Variants in PDZRN4 observed in about 807,000 individuals in gnomAD.
PDZRN4 encodes PDZ domain-containing RING finger protein 4.
A neutral mutation model predicts 99.0 loss-of-function variants in PDZRN4; 70 were observed. The observed-to-expected ratio is 0.71, with a 90% CI of 0.58 to 0.86. The LOEUF (loss-of-function observed/expected upper bound fraction) is 0.86. Ranked by LOEUF, PDZRN4 falls within the 40% of genes least tolerant of loss-of-function variation. The pLI is 0.00. For missense variants in PDZRN4, 1,474 were observed against 1,331.2 expected (o/e 1.11, Z -1.67); for synonymous variants, 551 against 501.6 (o/e 1.10, Z -1.32).
chr12:41,300,666 C>T (rs1418725366), intron 3 of PDZRN4, among the ~76,000 whole-genome samples: 2 of 151,952 alleles, frequency 1.3e-5, no homozygotes, highest in African/African-American at 2.4e-5. Context: ...CTCAAGTGTT[C>T]TCCCTATTAT....
At chr12:41,387,869 T>A (rs191786289) in intron 3 of PDZRN4, among the ~76,000 whole-genome samples, 8 of 152,284 alleles carry the variant, frequency 5.3e-5, no homozygotes, top group Admixed American at 5.2e-4. Flanking sequence ...GACAGTGTGA[T>A]GGTTCCTCAA....
intron 5 of PDZRN4, among the ~76,000 whole-genome samples, chr12:41,537,901 G>A (rs1938777055): frequency 1.3e-5 from 2 of 151,522 alleles, no homozygotes; most frequent in Non-Finnish European, 2.9e-5. Flanking sequence ...CGCTCATGTG[G>A]AGATCTGGTT....
chr12:41,325,928 C>A (rs758672916), intron 3 of PDZRN4, among the ~76,000 whole-genome samples: 1 of 152,042 alleles, frequency 6.6e-6, no homozygotes, highest in Admixed American at 6.6e-5. Flanking sequence ...GTTTTCGACT[C>A]TTTAGTTTCA....
intron 3 of PDZRN4, among the ~76,000 whole-genome samples, chr12:41,206,718 G>A (rs542422947): frequency 6.6e-4 from 100 of 151,622 alleles, no homozygotes; most frequent in Admixed American, 1.1e-3. Context: ...ATATATATGA[G>A]GTGTGCAATA....
intron 3 of PDZRN4, among the ~76,000 whole-genome samples, chr12:41,358,956 T>C (rs549450028): frequency 1.3e-4 from 20 of 152,106 alleles, no homozygotes; most frequent in African/African-American, 4.8e-4. Context: ...TTTATTTAAA[T>C]TATTTAATTT....
At chr12:41,482,326 G>A (rs1937686524) in intron 3 of PDZRN4, among the ~76,000 whole-genome samples, 1 of 152,134 alleles carries the variant, frequency 6.6e-6, no homozygotes, top group Non-Finnish European at 1.5e-5. Context: ...GTGTAGGATT[G>A]TATATGCTTG....
intron 3 of PDZRN4, among the ~76,000 whole-genome samples, chr12:41,276,651 A>G (rs1412137821): frequency 6.6e-6 from 1 of 152,176 alleles, no homozygotes; most frequent in Non-Finnish European, 1.5e-5. Context: ...ACTTACCCAA[A>G]GTCACACAGC....
chr12:41,264,268 C>T (rs552219717), intron 3 of PDZRN4, among the ~76,000 whole-genome samples: 1 of 152,214 alleles, frequency 6.6e-6, no homozygotes, highest in African/African-American at 2.4e-5. Context: ...TGAAAGTAAA[C>T]TTCAACCTGA....
intron 3 of PDZRN4, among the ~76,000 whole-genome samples, chr12:41,401,166 C>T (rs1952286225): frequency 6.6e-6 from 1 of 152,070 alleles, no homozygotes; most frequent in South Asian, 2.1e-4. Flanking sequence ...TTCCCTTAAT[C>T]TGCTTGCTAA....
chr12:41,292,245 T>G (rs1424370069), intron 3 of PDZRN4, among the ~76,000 whole-genome samples: 1 of 151,590 alleles, frequency 6.6e-6, no homozygotes, highest in Non-Finnish European at 1.5e-5. Flanking sequence ...CTAGAGAGAG[T>G]TGTTCATTCC....
intron 3 of PDZRN4, among the ~76,000 whole-genome samples, chr12:41,350,496 T>C (rs1951882286): frequency 6.6e-6 from 1 of 152,106 alleles, no homozygotes. Context: ...CTTTATTATT[T>C]ATGAAATCTC....
intron 3 of PDZRN4, among the ~76,000 whole-genome samples, chr12:41,500,466 T>A (rs1938090246): frequency 6.6e-6 from 1 of 152,128 alleles, no homozygotes; most frequent in Non-Finnish European, 1.5e-5. Context: ...AGCGGAACAC[T>A]GGACTAAATG....
At chr12:41,349,871 G>A (rs12578784) in intron 3 of PDZRN4, among the ~76,000 whole-genome samples, 64,126 of 151,740 alleles carry the variant, frequency 0.42, 16,048 homozygotes, top group Middle Eastern at 0.65. Context: ...GCCTCATATA[G>A]GGAGTGTCCT....
intron 3 of PDZRN4, among the ~76,000 whole-genome samples, chr12:41,472,964 G>A (rs1289924231): frequency 6.6e-6 from 1 of 152,198 alleles, no homozygotes; most frequent in Non-Finnish European, 1.5e-5. Context: ...TTGCAATGTA[G>A]CTAACTAAGC....
chr12:41,431,646 T>C (rs1425762088), intron 3 of PDZRN4, among the ~76,000 whole-genome samples: 3 of 152,230 alleles, frequency 2.0e-5, no homozygotes, highest in Non-Finnish European at 2.9e-5. Flanking sequence ...TTCTTTGAAA[T>C]GTTATGCTCT....
chr12:41,381,677 A>G (rs1436880090), intron 3 of PDZRN4, among the ~76,000 whole-genome samples: 1 of 152,094 alleles, frequency 6.6e-6, no homozygotes, highest in Non-Finnish European at 1.5e-5. Flanking sequence ...CTTGTAGTTC[A>G]CTGAACTTCA....
intron 3 of PDZRN4, among the ~76,000 whole-genome samples, chr12:41,317,863 C>T (rs1178491973): frequency 6.6e-6 from 1 of 151,988 alleles, no homozygotes; most frequent in Non-Finnish European, 1.5e-5. Context: ...TTTTCAATCG[C>T]TTCCTATTTT....
chr12:41,241,660 A>G (rs372023803), intron 3 of PDZRN4, among the ~76,000 whole-genome samples: 4 of 152,336 alleles, frequency 2.6e-5, no homozygotes, highest in African/African-American at 9.6e-5. Flanking sequence ...AAGGTCTATA[A>G]TAGGAATTAC....
chr12:41,523,583 G>C (rs910570117), intron 5 of PDZRN4, among the ~76,000 whole-genome samples: 1 of 151,962 alleles, frequency 6.6e-6, no homozygotes, highest in African/African-American at 2.4e-5. Flanking sequence ...GGGAACACAG[G>C]GGGCAACAAC....
Sources: gnomAD v4.1 joint callset for allele counts (sites outside exome capture counted in the v4.1 genomes callset) on GRCh38, gnomAD v4.1.1 for gene constraint, MANE v1.5 for transcripts, NCBI Gene and HGNC (gene_info 2026-07-23, HGNC 2026-07-21) for gene names.